The following NXPH1 variants were observed in gnomAD, a reference collection of about 807,000 sequenced individuals.
NXPH1 encodes neurexophilin-1.
A neutral mutation model predicts 23.7 loss-of-function variants in NXPH1; 5 were observed. That is an observed-to-expected ratio of 0.21 (90% confidence interval 0.11 to 0.44). The LOEUF (loss-of-function observed/expected upper bound fraction) is 0.44, where lower values mean the gene tolerates loss of function less well. Ranked by LOEUF, NXPH1 falls within the 20% of genes least tolerant of loss-of-function variation. NXPH1 has a pLI of 0.99. For synonymous variants in NXPH1, 144 were observed against 122.2 expected (o/e 1.18, Z -1.18); for missense variants, 324 against 321.6 (o/e 1.01, Z -0.06).
At chr7:8,573,435 A>G (rs1319535737) in intron 2 of NXPH1, among the ~76,000 whole-genome samples, 3 of 152,180 alleles carry the variant, frequency 2.0e-5, no homozygotes, top group African/African-American at 4.8e-5. Flanking sequence ...GATTATCCCA[A>G]TTTAGACTTG....
At chr7:8,534,280 T>C (rs1301418472) in intron 2 of NXPH1, among the ~76,000 whole-genome samples, 1 of 152,132 alleles carries the variant, frequency 6.6e-6, no homozygotes, top group Non-Finnish European at 1.5e-5. Context: ...AAAAAGTCTC[T>C]AGTACCCTTC....
intron 2 of NXPH1, among the ~76,000 whole-genome samples, chr7:8,657,042 T>G (rs1341949136): frequency 6.6e-6 from 1 of 152,216 alleles, no homozygotes; most frequent in African/African-American, 2.4e-5. Context: ...ATTCAGTGTT[T>G]ATTGTACTTC....
chr7:8,680,830 A>G (rs1821038468), intron 2 of NXPH1, among the ~76,000 whole-genome samples: 1 of 152,252 alleles, frequency 6.6e-6, no homozygotes. Flanking sequence ...TATATGCAAT[A>G]AAGTGCTAAA....
chr7:8,499,465 C>G (rs1392487905), intron 2 of NXPH1, among the ~76,000 whole-genome samples: 1 of 152,066 alleles, frequency 6.6e-6, no homozygotes, highest in African/African-American at 2.4e-5. Context: ...CCTACAAAGG[C>G]TAGTCTGGAT....
At chr7:8,713,763 T>A (rs1343623956) in intron 2 of NXPH1, among the ~76,000 whole-genome samples, 1 of 152,236 alleles carries the variant, frequency 6.6e-6, no homozygotes, top group Non-Finnish European at 1.5e-5. Flanking sequence ...AAGAATTCTC[T>A]GGATTACCAG....
Position 8,667,810 on chromosome 7 carries a change from A to C in NXPH1, c.55-83198A>C, listed in dbSNP as rs559291620. 3.0e-4 allele frequency among the ~76,000 whole-genome samples: 45 copies of C among 152,136 alleles called. 1 individual carries two copies. Among genetic ancestry groups the C allele is most frequent in the Admixed American group, 2.4e-3 (37 of 15,290 alleles). ...TCTCTCTTCTTCTTCTTGAACTCCT[A>C]AATCTTGAATATTTGATCTTTTAAA... On this transcript the variant is annotated intron_variant, in intron 2 of 2. Transcript: ENST00000405863.
chr7:8,488,161 T>C (rs1044463248), intron 2 of NXPH1, among the ~76,000 whole-genome samples: 1 of 152,156 alleles, frequency 6.6e-6, no homozygotes, highest in African/African-American at 2.4e-5. Flanking sequence ...ACACATTTTA[T>C]GGAAAGCATT....
At chr7:8,503,102 A>C (rs1349788682) in intron 2 of NXPH1, among the ~76,000 whole-genome samples, 1 of 152,088 alleles carries the variant, frequency 6.6e-6, no homozygotes, top group African/African-American at 2.4e-5. Flanking sequence ...GGCAAAGAGA[A>C]ATATTTGAAG....
At chr7:8,669,759 G>A (rs1370015811) in intron 2 of NXPH1, among the ~76,000 whole-genome samples, 2 of 152,142 alleles carry the variant, frequency 1.3e-5, no homozygotes, top group Non-Finnish European at 2.9e-5. Flanking sequence ...TTCTCCCCAT[G>A]CTGTGCTGCA....
At chr7:8,697,157 CA>C (rs139349283) in intron 2 of NXPH1, among the ~76,000 whole-genome samples, 19,550 of 104,580 alleles carry the variant, frequency 0.19, 1,171 homozygotes, top group Middle Eastern at 0.28. Context: ...GATTCTGTTT[CA>C]AAAAAAAAAA....
At chr7:8,459,106 A>T (rs952499281) in intron 2 of NXPH1, among the ~76,000 whole-genome samples, 18 of 150,578 alleles carry the variant, frequency 1.2e-4, no homozygotes, top group African/African-American at 4.4e-4. Context: ...TTTTCTTCCA[A>T]GGAGAAGGAG....
intron 2 of NXPH1, among the ~76,000 whole-genome samples, chr7:8,709,314 G>C (rs1416696365): frequency 1.3e-5 from 2 of 151,744 alleles, no homozygotes; most frequent in Non-Finnish European, 2.9e-5. Context: ...CCTTTGCCTT[G>C]ATACCTTCAG....
intron 2 of NXPH1, among the ~76,000 whole-genome samples, chr7:8,603,281 T>C (rs1819404540): frequency 6.6e-6 from 1 of 152,210 alleles, no homozygotes; most frequent in Non-Finnish European, 1.5e-5. Context: ...TGAAACCTAT[T>C]CAGTAGTATA....
intron 2 of NXPH1, among the ~76,000 whole-genome samples, chr7:8,504,903 C>A (rs1331875218): frequency 6.6e-6 from 1 of 152,040 alleles, no homozygotes; most frequent in Non-Finnish European, 1.5e-5. Flanking sequence ...GACTTCCCAA[C>A]CTCTAGAACT....
intron 2 of NXPH1, among the ~76,000 whole-genome samples, chr7:8,597,836 C>T (rs1435353445): frequency 6.6e-6 from 1 of 152,100 alleles, no homozygotes. Flanking sequence ...TTGCACAACA[C>T]TTCACTTTGA....
At chr7:8,607,900 G>A (rs749831550) in intron 2 of NXPH1, among the ~76,000 whole-genome samples, 2 of 152,170 alleles carry the variant, frequency 1.3e-5, no homozygotes, top group African/African-American at 4.8e-5. Flanking sequence ...TGGTGCCCTC[G>A]TGAGGTGAGA....
intron 2 of NXPH1, among the ~76,000 whole-genome samples, chr7:8,592,515 G>A (rs548493393): frequency 6.6e-6 from 1 of 151,986 alleles, no homozygotes; most frequent in South Asian, 2.1e-4. Context: ...TTCTTACAAA[G>A]CAATCATCAT....
chr7:8,681,216 A>G (rs894822685), intron 2 of NXPH1, among the ~76,000 whole-genome samples: 2 of 152,214 alleles, frequency 1.3e-5, no homozygotes, highest in Non-Finnish European at 2.9e-5. Context: ...TTTTACTTTT[A>G]GATTTGAGAC....
chr7:8,715,256 G>A (rs537555398), intron 2 of NXPH1, among the ~76,000 whole-genome samples: 4 of 152,194 alleles, frequency 2.6e-5, no homozygotes, highest in Admixed American at 6.5e-5. Context: ...TCTCCCTCCC[G>A]CAGGTGCCCA....
Sources: gnomAD v4.1 joint callset for allele counts (sites outside exome capture counted in the v4.1 genomes callset) on GRCh38, gnomAD v4.1.1 for gene constraint, MANE v1.5 for transcripts, NCBI Gene and HGNC (gene_info 2026-07-23, HGNC 2026-07-21) for gene names.